Variants in CAST observed in about 807,000 individuals in gnomAD.
CAST encodes calpastatin, also known as MIR583 host.
A neutral mutation model predicts 119.6 loss-of-function variants in CAST; 76 were observed. That is an observed-to-expected ratio of 0.64 (90% CI 0.53 to 0.77). The LOEUF is 0.77. Ranked by LOEUF, CAST falls within the 30% of genes least tolerant of loss-of-function variation. The probability of loss-of-function intolerance (pLI) is 0.00; values close to 1 mark genes in which losing one functional copy is unlikely to be tolerated. For synonymous variants in CAST, 319 were observed against 331.6 expected (o/e 0.96, Z 0.41); for missense variants, 953 against 946.5 (o/e 1.01, Z -0.09).
At chr5:96,113,930 A>G in the CAST span, among the ~76,000 whole-genome samples, 1 of 152,210 alleles carries the variant, frequency 6.6e-6, no homozygotes, top group African/African-American at 2.4e-5. Context: ...ATATCACAAA[A>G]GAAAGTTCAT....
At chr5:96,693,388 T>C (rs1427458517) in intron 2 of CAST, among the ~76,000 whole-genome samples, 2 of 152,400 alleles carry the variant, frequency 1.3e-5, no homozygotes, top group East Asian at 3.9e-4. Flanking sequence ...AAATTCTCAT[T>C]GGCAGATCCT....
chr5:96,736,343 T>A, intron 10 of CAST, 103 bp downstream of exon 10: 1 of 643,430 alleles, frequency 1.6e-6, no homozygotes, highest in Non-Finnish European at 2.7e-6. Context: ...GGGGGTAATT[T>A]AAAGGACCAT....
chr5:96,395,266 A>G, the CAST span, among the ~76,000 whole-genome samples: 2 of 152,232 alleles, frequency 1.3e-5, no homozygotes, highest in African/African-American at 4.8e-5. Context: ...TCTCTATGTA[A>G]GTCTTCTTTT....
chr5:96,366,510 G>A, the CAST span, among the ~76,000 whole-genome samples: 1 of 152,132 alleles, frequency 6.6e-6, no homozygotes, highest in Non-Finnish European at 1.5e-5. Flanking sequence ...CATATTTCTT[G>A]GAGGCTTTGT....
At chr5:96,642,397 A>G (rs1747961406) in intron 1 of CAST, among the ~76,000 whole-genome samples, 1 of 152,212 alleles carries the variant, frequency 6.6e-6, no homozygotes, top group Non-Finnish European at 1.5e-5. Context: ...AGCCTGGGGA[A>G]TTAGAAAGGC....
At chr5:96,343,523 A>G in the CAST span, among the ~76,000 whole-genome samples, 14 of 152,290 alleles carry the variant, frequency 9.2e-5, no homozygotes, top group African/African-American at 2.9e-4. Context: ...AGCAACAGCT[A>G]TGTGCTTTAC....
chr5:95,984,175 C>T, the CAST span, among the ~76,000 whole-genome samples: 1 of 152,100 alleles, frequency 6.6e-6, no homozygotes, highest in African/African-American at 2.4e-5. Flanking sequence ...TATTGGAAAA[C>T]AGAGTAGTGT....
At chr5:96,480,589 G>A in the CAST span, among the ~76,000 whole-genome samples, 1 of 152,166 alleles carries the variant, frequency 6.6e-6, no homozygotes, top group Non-Finnish European at 1.5e-5. Context: ...ACATCACCAG[G>A]GAAAGTGAGA....
intron 1 of CAST, among the ~76,000 whole-genome samples, chr5:96,563,481 G>A (rs1424898179): frequency 6.6e-6 from 1 of 152,060 alleles, no homozygotes; most frequent in Non-Finnish European, 1.5e-5. Flanking sequence ...ATCTATATAA[G>A]ATATACGCTT....
At chr5:96,565,684 A>C (rs1746452954) in intron 1 of CAST, among the ~76,000 whole-genome samples, 1 of 151,724 alleles carries the variant, frequency 6.6e-6, no homozygotes, top group African/African-American at 2.4e-5. Context: ...CTGAAAATAG[A>C]CAATCTAATT....
the CAST span, among the ~76,000 whole-genome samples, chr5:96,105,172 C>T: frequency 4.7e-5 from 7 of 150,084 alleles, no homozygotes; most frequent in East Asian, 2.0e-4. Context: ...ACAATCATGT[C>T]GTCTGCAAAC....
chr5:96,036,676 A>C, the CAST span, among the ~76,000 whole-genome samples: 1 of 152,206 alleles, frequency 6.6e-6, no homozygotes, highest in Non-Finnish European at 1.5e-5. Context: ...ACTTGGTTGC[A>C]GATTAGCAAT....
At chr5:96,074,189 T>A in the CAST span, among the ~76,000 whole-genome samples, 1 of 105,084 alleles carries the variant, frequency 9.5e-6, no homozygotes, top group African/African-American at 3.6e-5. Context: ...AGACTTCTCT[T>A]TGTTTCTGTA....
the CAST span, among the ~76,000 whole-genome samples, chr5:96,341,112 G>A: frequency 8.5e-4 from 129 of 152,258 alleles, 1 homozygote; most frequent in African/African-American, 3.0e-3. Context: ...CTATGCAGAA[G>A]GATAATTTGT....
the CAST span, among the ~76,000 whole-genome samples, chr5:96,292,179 T>C: frequency 6.6e-6 from 1 of 152,274 alleles, no homozygotes; most frequent in African/African-American, 2.4e-5. Flanking sequence ...GATTTTGTCC[T>C]AAAATTATAT....
intron 1 of CAST, among the ~76,000 whole-genome samples, chr5:96,618,681 G>A (rs1216991254): frequency 6.6e-6 from 1 of 152,250 alleles, no homozygotes; most frequent in Non-Finnish European, 1.5e-5. Context: ...GGGTCCCCCA[G>A]CAGTGCCGGC....
At chr5:96,109,880 CTG>C in the CAST span, among the ~76,000 whole-genome samples, 2 of 151,382 alleles carry the variant, frequency 1.3e-5, no homozygotes, top group African/African-American at 4.9e-5. Flanking sequence ...CCACATAAAA[CTG>C]TGTTTCAAAA....
chr5:96,504,720 C>T, the CAST span, among the ~76,000 whole-genome samples: 1 of 152,126 alleles, frequency 6.6e-6, no homozygotes, highest in Non-Finnish European at 1.5e-5. Context: ...CACCACAGTC[C>T]ACTTTCCCCA....
the CAST span, among the ~76,000 whole-genome samples, chr5:96,499,137 C>T: frequency 6.6e-6 from 1 of 151,238 alleles, no homozygotes; most frequent in African/African-American, 2.4e-5. Context: ...AGAATCAAAC[C>T]AGAAATAGTC....
Sources: allele counts gnomAD v4.1 joint callset (sites outside exome capture counted in the v4.1 genomes callset), GRCh38; gene constraint gnomAD v4.1.1; transcripts MANE v1.5; gene names NCBI Gene and HGNC (gene_info 2026-07-23, HGNC 2026-07-21).